PACS1: variants seen among roughly 807,000 people sequenced by gnomAD.
The protein encoded by PACS1 is phosphofurin acidic cluster sorting protein 1.
Under a neutral mutation model 115.0 loss-of-function variants are expected in PACS1, and 24 were observed. That is an observed-to-expected ratio of 0.21 (90% CI 0.15 to 0.29). The LOEUF (loss-of-function observed/expected upper bound fraction) is 0.29, where lower values mean the gene tolerates loss of function less well. Ranked by LOEUF, PACS1 falls within the 10% of genes least tolerant of loss-of-function variation. The pLI, the probability that PACS1 is intolerant of heterozygous loss-of-function variation, is 1.00. For missense variants in PACS1, 838 were observed against 1,251.2 expected, an observed-to-expected ratio of 0.67 and a Z score of 4.98; for synonymous variants, 453 against 504.5, an observed-to-expected ratio of 0.90 and a Z score of 1.37.
rs371282441 is a variant in PACS1, at chr11:66,204,511, A to T, written c.445-5851A>T. Reference sequence around the variant, plus strand: ...TTCCTCAAAAAACCAAAATAGTCCCATGTAGCACTATTCACAATAGCCAAG... The same window carrying T: ...TTCCTCAAAAAACCAAAATAGTCCCTTGTAGCACTATTCACAATAGCCAAG... On this transcript the variant is annotated intron_variant, in intron 2 of 23. Transcript: ENST00000320580. Among the ~76,000 whole-genome samples, 50 of 152,264 alleles carry T rather than the reference A, an allele frequency of 3.3e-4. 1 individual carries two copies. Among genetic ancestry groups the T allele is most frequent in the African/African-American group, 1.2e-3 (48 of 41,574 alleles).
chr11:66,100,899 A>G, intron 1 of PACS1: 2 of 456,318 alleles, frequency 4.4e-6, no homozygotes, highest in Non-Finnish European at 8.8e-6. Context: ...TTCCAAGGGC[A>G]GGCATCACAC....
chr11:66,193,406 C>T, intron 1 of PACS1, 80 bp from the exon 2 acceptor site: 1 of 925,210 alleles, frequency 1.1e-6, no homozygotes, highest in Non-Finnish European at 1.8e-6. Context: ...TCAGGTAAGG[C>T]AGATTGCCTA....
intron 1 of PACS1, among the ~76,000 whole-genome samples, chr11:66,190,783 G>T (rs556920988): frequency 6.6e-6 from 1 of 152,322 alleles, no homozygotes; most frequent in South Asian, 2.1e-4. Context: ...GGAGAAACAG[G>T]CGGTACTGTG....
intron 1 of PACS1, among the ~76,000 whole-genome samples, chr11:66,137,774 G>T (rs1858881465): frequency 6.6e-6 from 1 of 152,202 alleles, no homozygotes; most frequent in Non-Finnish European, 1.5e-5. Flanking sequence ...AGCATGATAG[G>T]TTAAAAAGTG....
intron 1 of PACS1, among the ~76,000 whole-genome samples, chr11:66,172,640 C>T (rs1453168907): frequency 1.3e-5 from 2 of 152,164 alleles, no homozygotes; most frequent in Non-Finnish European, 2.9e-5. Context: ...GCTAGGACCA[C>T]CTAGCCCAGC....
intron 1 of PACS1, among the ~76,000 whole-genome samples, chr11:66,129,037 C>T (rs1230204350): frequency 6.6e-6 from 1 of 152,088 alleles, no homozygotes; most frequent in African/African-American, 2.4e-5. Context: ...ATGGTGATTT[C>T]ATGGGTACGT....
intron 1 of PACS1, among the ~76,000 whole-genome samples, chr11:66,120,478 A>G (rs1858412809): frequency 6.6e-6 from 1 of 152,222 alleles, no homozygotes; most frequent in Non-Finnish European, 1.5e-5. Context: ...TGAAAGAGAT[A>G]TGACGTTCCT....
chr11:66,085,386 CT>C (rs1431747826), intron 1 of PACS1, among the ~76,000 whole-genome samples: 1 of 152,076 alleles, frequency 6.6e-6, no homozygotes, highest in Non-Finnish European at 1.5e-5. Context: ...CAAACTGGAT[CT>C]TACTGTTTTA....
At position 66,235,498 on chromosome 11, in the gene PACS1, T is replaced by C. The variant is rs1293795553; in HGVS notation, c.2207+95T>C. 2 of 906,738 alleles carry C rather than the reference T, an allele frequency of 2.2e-6. No homozygotes were observed. The highest frequency in any genetic ancestry group is 3.3e-5 in the African/African-American group (2 of 61,132). The allele number at this position is 906,738 out of a possible 1,614,324, so 56.2% of individuals were successfully genotyped here. ...CTTTCTCACATTTTCCTTCTCCACATGCTATATTCCTTCATAGGAACCCAA... is the reference window on the plus strand; with the variant it reads ...CTTTCTCACATTTTCCTTCTCCACACGCTATATTCCTTCATAGGAACCCAA... On this transcript the variant is annotated intron_variant, in intron 18 of 23. Transcript: ENST00000320580. This position sits in a 1 kb window ranked among gnomAD's most constrained non-coding sequence, Gnocchi z 5.6.
At chr11:66,175,577 C>T (rs189073088) in intron 1 of PACS1, among the ~76,000 whole-genome samples, 61 of 152,296 alleles carry the variant, frequency 4.0e-4, no homozygotes, top group African/African-American at 1.3e-3. Flanking sequence ...CACTTTGCTA[C>T]GTTTTGTGTA....
chr11:66,084,857 G>A (rs1428355016), intron 1 of PACS1, among the ~76,000 whole-genome samples: 1 of 152,024 alleles, frequency 6.6e-6, no homozygotes, highest in Non-Finnish European at 1.5e-5. Context: ...GTAATTAATT[G>A]GAAATAAAAT....
At chr11:66,186,277 T>TAA (rs1299093280) in intron 1 of PACS1, among the ~76,000 whole-genome samples, 1 of 139,570 alleles carries the variant, frequency 7.2e-6, no homozygotes. Context: ...CCCTGTCTCT[T>TAA]AAAAAAAAAA....
intron 1 of PACS1, among the ~76,000 whole-genome samples, chr11:66,183,109 G>A (rs894099914): frequency 4.6e-5 from 7 of 152,148 alleles, no homozygotes; most frequent in Non-Finnish European, 1.0e-4. Context: ...CAGCCTGGGT[G>A]ACAGAGTGAG....
chr11:66,190,827 A>G (rs924270325), intron 1 of PACS1, among the ~76,000 whole-genome samples: 1 of 152,212 alleles, frequency 6.6e-6, no homozygotes, highest in African/African-American at 2.4e-5. Flanking sequence ...TGGAGGAAAC[A>G]GCATGAACCC....
Position 66,235,247 on chromosome 11 carries a change from A to G in PACS1, c.2105-54A>G. 19 of 1,326,652 alleles carry G rather than the reference A, an allele frequency of 1.4e-5. No homozygotes were observed. Among genetic ancestry groups the G allele is most frequent in the Non-Finnish European group, 2.1e-5 (19 of 918,904 alleles). The allele number at this position is 1,326,652 out of a possible 1,614,324, so 82.2% of individuals were successfully genotyped here. ...GGGATCCCTCTCCGAGAGGGTCTGCAGGTTTGCCAGCTGAAGTCAGTAGGC... is the reference window on the plus strand; with the variant it reads ...GGGATCCCTCTCCGAGAGGGTCTGCGGGTTTGCCAGCTGAAGTCAGTAGGC... On this transcript the variant is annotated intron_variant, in intron 17 of 23. Coordinates refer to ENST00000320580, the MANE Select transcript of PACS1 (RefSeq NM_018026.4). This position sits in a 1 kb window ranked among gnomAD's most constrained non-coding sequence, Gnocchi z 5.6.
chr11:66,209,054 T>C (rs7942894), intron 2 of PACS1, among the ~76,000 whole-genome samples: 36,844 of 152,030 alleles, frequency 0.24, 4,897 homozygotes, highest in East Asian at 0.45. Flanking sequence ...TCATGGATCT[T>C]GAAGTTTAGT....
At chr11:66,085,312 C>T (rs1857547026) in intron 1 of PACS1, among the ~76,000 whole-genome samples, 1 of 152,070 alleles carries the variant, frequency 6.6e-6, no homozygotes, top group Admixed American at 6.6e-5. Flanking sequence ...TTTGTGTAAT[C>T]TTGAAGGTGG....
At chr11:66,115,493 T>C (rs1858285568) in intron 1 of PACS1, among the ~76,000 whole-genome samples, 1 of 152,188 alleles carries the variant, frequency 6.6e-6, no homozygotes, top group African/African-American at 2.4e-5. Flanking sequence ...CCTTGCCCTG[T>C]ATATGGAGAT....
chr11:66,234,428 C>T (rs572326225), intron 17 of PACS1, among the ~76,000 whole-genome samples, 186 bp downstream of exon 17: 1 of 152,368 alleles, frequency 6.6e-6, no homozygotes, highest in Admixed American at 6.5e-5. Context: ...CCCCTCCACT[C>T]TGCCAGTTTT....
Sources: allele counts gnomAD v4.1 joint callset (sites outside exome capture counted in the v4.1 genomes callset), GRCh38; gene constraint gnomAD v4.1.1; non-coding constraint Gnocchi (gnomAD v3.1); transcripts MANE v1.5; gene names NCBI Gene and HGNC (gene_info 2026-07-23, HGNC 2026-07-21).